EPHA10: variants seen among roughly 807,000 people sequenced by gnomAD.
EPHA10 encodes the protein EPH receptor A10.
EPHA10 carries 120 observed loss-of-function variants against 109.7 expected under a neutral mutation model. That is an observed-to-expected ratio of 1.09 (90% CI 0.94 to 1.27). EPHA10 has a LOEUF of 1.27. Ranked by LOEUF, EPHA10 falls within the 50% of genes most tolerant of loss-of-function variation. The probability of loss-of-function intolerance (pLI) is 0.00; values close to 1 mark genes in which losing one functional copy is unlikely to be tolerated. For missense variants in EPHA10, 1,396 were observed against 1,411.1 expected (o/e 0.99, Z 0.17); for synonymous variants, 640 against 618.9 (o/e 1.03, Z -0.51).
chr1:37,724,821 G>C (rs1051484762), intron 8 of EPHA10, among the ~76,000 whole-genome samples: 1 of 152,192 alleles, frequency 6.6e-6, no homozygotes, highest in Non-Finnish European at 1.5e-5. Flanking sequence ...ATCTCCGCTC[G>C]GTAGCTGTGG....
intron 14 of EPHA10, 69 bp from the exon 15 acceptor site, chr1:37,719,676 A>G: frequency 1.3e-6 from 2 of 1,522,560 alleles, no homozygotes; most frequent in South Asian, 2.3e-5. Flanking sequence ...GTGCACACAC[A>G]CATGCACACA....
At chr1:37,758,112 G>A (rs530434011) in intron 3 of EPHA10, among the ~76,000 whole-genome samples, 1 of 152,278 alleles carries the variant, frequency 6.6e-6, no homozygotes, top group South Asian at 2.1e-4. Flanking sequence ...CAGGCAATAA[G>A]GGCACAAACT....
intron 6 of EPHA10, 80 bp downstream of exon 6, chr1:37,735,176 TG>T: frequency 6.5e-7 from 1 of 1,529,796 alleles, no homozygotes; most frequent in Non-Finnish European, 8.9e-7. Flanking sequence ...GGGCTTTTGC[TG>T]GGAGGATGGC....
chr1:37,721,858 A>G lies in EPHA10; in HGVS notation c.1961-13T>C. 1 of 1,554,496 alleles carries G rather than the reference A, an allele frequency of 6.4e-7. No individual in the cohort carries two copies. Among genetic ancestry groups the G allele is most frequent in the Non-Finnish European group, 8.7e-7 (1 of 1,146,236 alleles). Reference sequence around the variant, plus strand: ...TCCCCAAACCGCCCTGTGGGGAAACAGCACCTCAGATACCGCCAGAGGCCA... The same window carrying G: ...TCCCCAAACCGCCCTGTGGGGAAACGGCACCTCAGATACCGCCAGAGGCCA... On this transcript the variant is annotated splice_polypyrimidine_tract_variant and intron_variant, in intron 10 of 16. Transcript: ENST00000373048.
intron 3 of EPHA10, among the ~76,000 whole-genome samples, chr1:37,755,063 G>T (rs1646381809): frequency 6.6e-6 from 1 of 152,128 alleles, no homozygotes. Flanking sequence ...GTCTCCCAAA[G>T]TGCCAAAATT....
chr1:37,754,782 A>T lies in EPHA10; in HGVS notation c.851-412T>A, dbSNP rs552104253. On this transcript the variant is annotated intron_variant, in intron 3 of 16. Transcript: ENST00000373048. This position sits in a 1 kb window ranked among gnomAD's most constrained non-coding sequence, Gnocchi z 4.5. ...AACCACCTGTGAGGTTATATACTTT[A>T]TCCTCTTTTTATTTTATTTATTTTT... Among the ~76,000 whole-genome samples, 3 of 151,888 alleles carry T rather than the reference A, an allele frequency of 2.0e-5. No homozygotes were observed. Among genetic ancestry groups the T allele is most frequent in the Non-Finnish European group, 4.4e-5 (3 of 67,972 alleles).
At chr1:37,748,662 G>T (rs76854546) in intron 5 of EPHA10, among the ~76,000 whole-genome samples, 1 of 151,822 alleles carries the variant, frequency 6.6e-6, no homozygotes, top group African/African-American at 2.4e-5. Context: ...ATCTAGTAGG[G>T]TATAATCCAG....
downstream of EPHA10, chr1:37,715,802 T>TA (rs1288942261): frequency 4.7e-5 from 22 of 468,606 alleles, no homozygotes; most frequent in African/African-American, 3.2e-4. Context: ...GGTCACACCG[T>TA]CCTGCCATGG....
At chr1:37,719,780 C>T in intron 14 of EPHA10, 129 bp downstream of exon 14, 1 of 1,522,618 alleles carries the variant, frequency 6.6e-7, no homozygotes, top group South Asian at 1.2e-5. Flanking sequence ...CCAGGCAGAA[C>T]CAGAAGCAAG....
chr1:37,759,518 C>G (rs1294749539), intron 3 of EPHA10, among the ~76,000 whole-genome samples: 1 of 152,172 alleles, frequency 6.6e-6, no homozygotes, highest in Non-Finnish European at 1.5e-5. Context: ...GTTTCACACC[C>G]TATAGTAACC....
rs1645720898 is a variant in EPHA10, at chr1:37,718,150, CCT to C, written c.*220_*221del. ...CAGGGGTCCTCCCTAGGGATTTGAA[CCT>C]CTTTTCAGGGGCACTGAGTTAGCCA... On this transcript the variant is annotated 3_prime_UTR_variant, in exon 17 of 17. Transcript: ENST00000373048. 1.8e-6 allele frequency: 1 copy of C among 551,290 alleles called. No individual in the cohort carries two copies. Among genetic ancestry groups the C allele is most frequent in the African/African-American group, 1.9e-5 (1 of 52,502 alleles). The allele number at this position is 551,290 out of a possible 1,614,324, so 34.1% of individuals were successfully genotyped here. A position where few individuals can be genotyped will look rare whatever the true frequency, so the allele number is the denominator to read the frequency against.
rs1319916607 is a variant in EPHA10, at chr1:37,753,091, C to A, written c.1142G>T (p.Gly381Val). 5 of 1,323,340 alleles carry A rather than the reference C, an allele frequency of 3.8e-6. No homozygotes were observed. In the African/African-American group the frequency reaches 6.2e-5, roughly 16 times the overall value. 82.0% of individuals were successfully genotyped at this position (1,323,340 alleles called of 1,614,324 possible). Reference protein sequence around the residue: ...VTYSLLCLRCGREGPAGACEP... With the variant: ...VTYSLLCLRCVREGPAGACEP... The stretch of plus-strand genomic sequence containing the variant: ...GCAGGCGCCCGCCGGGCCCTCGCGG[C>A]CGCAGCGCAGGCACAGCAGCGAGTA... The change falls in exon 5 of 17, where the codon GGC becomes GTC. Residue 381 changes from glycine to valine, a missense_variant. Coordinates refer to ENST00000373048, the MANE Select transcript of EPHA10 (RefSeq NM_001099439.2).
intron 5 of EPHA10, among the ~76,000 whole-genome samples, chr1:37,745,217 G>A (rs1646212571): frequency 6.6e-6 from 1 of 152,192 alleles, no homozygotes; most frequent in South Asian, 2.1e-4. Flanking sequence ...TCTAGTGTCT[G>A]TAATACATAT....
Position 37,716,801 on chromosome 1 carries a change from C to T in EPHA10, c.*1571G>A, listed in dbSNP as rs930893888. The T allele has an allele frequency of 2.1e-5, 5 of 232,932 alleles. No homozygotes were observed. The highest frequency in any genetic ancestry group is 4.4e-5 in the African/African-American group (2 of 45,430). The allele number at this position is 232,932 out of a possible 1,614,324, so 14.4% of individuals were successfully genotyped here. ...AACCTTCCCTTTCCCACCTGCAAGG[C>T]CCTGTTCAACTTACATCTCAACTTC... On this transcript the variant is annotated 3_prime_UTR_variant, in exon 17 of 17. Coordinates refer to ENST00000373048, the MANE Select transcript of EPHA10 (RefSeq NM_001099439.2).
In EPHA10 at chr1:37,753,093, G is replaced by T; in HGVS notation, c.1140C>A (p.Cys380Ter). 7.5e-7 allele frequency: 1 copy of T among 1,325,938 alleles called. No homozygotes were observed. Among genetic ancestry groups the T allele is most frequent in the Non-Finnish European group, 9.6e-7 (1 of 1,037,400 alleles). 82.1% of individuals were successfully genotyped at this position (1,325,938 alleles called of 1,614,324 possible). A position where few individuals can be genotyped will look rare whatever the true frequency, so the allele number is the denominator to read the frequency against. ...AGGCGCCCGCCGGGCCCTCGCGGCCGCAGCGCAGGCACAGCAGCGAGTAGG... is the reference window on the plus strand; with the variant it reads ...AGGCGCCCGCCGGGCCCTCGCGGCCTCAGCGCAGGCACAGCAGCGAGTAGG... ...DVTYSLLCLR[C>*]GREGPAGACE... is the part of the protein sequence containing the mutation. Residue 380 changes from cysteine (C) to a stop codon, truncating the protein, a stop_gained, in exon 5 of 17, where the codon TGC becomes TGA. Transcript: ENST00000373048. LOFTEE classifies it high-confidence loss of function.
intron 8 of EPHA10, among the ~76,000 whole-genome samples, chr1:37,725,506 CAAAAAAAAAAAA>C (rs536628850): frequency 1.8e-5 from 1 of 56,434 alleles, no homozygotes; most frequent in East Asian, 7.5e-4. Context: ...GGCTCCATCT[CAAAAAAAAAAAA>C]AAAAAAAAAA....
rs975356339 is a variant in EPHA10 at position 37,753,228 on chromosome 1, T to A, written c.1007-2A>T. 71 of 1,215,276 alleles carry A rather than the reference T, an allele frequency of 5.8e-5. No homozygotes were observed. The highest frequency in any genetic ancestry group is 7.2e-5 in the Non-Finnish European group (71 of 985,562). The allele number at this position is 1,215,276 out of a possible 1,614,324, so 75.3% of individuals were successfully genotyped here. On this transcript the variant is annotated splice_acceptor_variant, in intron 4 of 16. Transcript: ENST00000373048. LOFTEE classifies it high-confidence loss of function. ...GGTCCCGCGGCGCCGACGGCGGCCC[T>A]GAGGCGGCACAGGGGCGGGGCGGTC...
intron 7 of EPHA10, among the ~76,000 whole-genome samples, chr1:37,728,216 G>C (rs75631014): frequency 0.025 from 3,829 of 152,286 alleles, 152 homozygotes; most frequent in African/African-American, 0.087. Flanking sequence ...TGAAGGCGGA[G>C]AGTGGCAAAT....
intron 8 of EPHA10, among the ~76,000 whole-genome samples, chr1:37,724,557 G>T (rs1194869633): frequency 2.0e-5 from 3 of 152,080 alleles, no homozygotes; most frequent in Non-Finnish European, 4.4e-5. Context: ...AACAGAAGGA[G>T]AGCAGAGGGA....
Sources: allele counts gnomAD v4.1 joint callset (sites outside exome capture counted in the v4.1 genomes callset), GRCh38; gene constraint gnomAD v4.1.1; non-coding constraint Gnocchi (gnomAD v3.1); transcripts MANE v1.5; gene names NCBI Gene and HGNC (gene_info 2026-07-23, HGNC 2026-07-21).